FER1L6: variants seen among roughly 807,000 people sequenced by gnomAD.
FER1L6 encodes the protein fer-1-like protein 6.
FER1L6 carries 177 observed loss-of-function variants against 219.2 expected under a neutral mutation model. That is an observed-to-expected ratio of 0.81 (90% confidence interval 0.71 to 0.91). The LOEUF is 0.91. FER1L6 is among the 40% of genes least tolerant of loss of function. FER1L6 has a pLI of 0.00. For missense variants in FER1L6, 2,153 were observed against 2,259.9 expected (o/e 0.95, Z 0.96); for synonymous variants, 768 against 824.3 (o/e 0.93, Z 1.17).
At chr8:123,910,208 C>A (rs16899029) in intron 1 of FER1L6, among the ~76,000 whole-genome samples, 6 of 151,888 alleles carry the variant, frequency 4.0e-5, no homozygotes, top group Non-Finnish European at 8.8e-5. Flanking sequence ...TAGGGTATGC[C>A]GTCATGTGAA....
At chr8:123,864,997 C>T (rs573740784) in intron 1 of FER1L6, among the ~76,000 whole-genome samples, 1 of 151,410 alleles carries the variant, frequency 6.6e-6, no homozygotes, top group Non-Finnish European at 1.5e-5. Context: ...AATCATTCTC[C>T]ATCCAGCTTT....
In FER1L6 at chr8:123,892,335, T is replaced by C. The variant is rs536296875; in HGVS notation, c.-8+40150T>C. Among the ~76,000 whole-genome samples the C allele has an allele frequency of 1.1e-3, 173 of 152,252 alleles. 1 individual carries two copies. The highest frequency in any genetic ancestry group is 2.1e-3 in the Non-Finnish European group (142 of 68,002). On this transcript the variant is annotated intron_variant, in intron 1 of 40. Transcript: ENST00000522917. ...GAGATGGAGTCTCGCACTGTCGCCC[T>C]GGCTGGAGTGCAATGGCATGATCTT...
At chr8:124,058,611 C>T (rs1478613505) in intron 22 of FER1L6, among the ~76,000 whole-genome samples, 2 of 152,188 alleles carry the variant, frequency 1.3e-5, no homozygotes, top group Non-Finnish European at 2.9e-5. Flanking sequence ...ACTTCTTTGG[C>T]CATTTCCCAA....
chr8:124,093,116 G>C (rs1004027806), intron 34 of FER1L6, among the ~76,000 whole-genome samples: 2 of 151,956 alleles, frequency 1.3e-5, no homozygotes, highest in African/African-American at 4.8e-5. Flanking sequence ...GAGCCACCAC[G>C]CCTGGCAGTG....
intron 14 of FER1L6, among the ~76,000 whole-genome samples, chr8:124,011,743 C>G (rs1176133225): frequency 6.6e-6 from 1 of 152,052 alleles, no homozygotes; most frequent in Non-Finnish European, 1.5e-5. Flanking sequence ...GCCTCAGCCC[C>G]CAAATTGCTG....
chr8:124,072,825 G>A (rs1821133376), intron 31 of FER1L6, among the ~76,000 whole-genome samples: 1 of 152,156 alleles, frequency 6.6e-6, no homozygotes, highest in South Asian at 2.1e-4. Context: ...GGATGCTTTA[G>A]ACTAACCTTT....
chr8:123,970,135 G>A, intron 6 of FER1L6, 38 bp downstream of exon 6: 2 of 1,592,670 alleles, frequency 1.3e-6, no homozygotes, highest in East Asian at 2.2e-5. Flanking sequence ...GTGGAGAGGT[G>A]GGAGACATTT....
chr8:124,038,076 C>T (rs1819297651), intron 19 of FER1L6, among the ~76,000 whole-genome samples: 1 of 152,180 alleles, frequency 6.6e-6, no homozygotes, highest in African/African-American at 2.4e-5. Context: ...GTTCAGGCCT[C>T]CTAGGTCCTC....
intron 24 of FER1L6, among the ~76,000 whole-genome samples, chr8:124,061,542 G>T (rs1820574486): frequency 6.6e-6 from 1 of 152,158 alleles, no homozygotes; most frequent in African/African-American, 2.4e-5. Flanking sequence ...GCTGTCTTTG[G>T]AGATGAGAGT....
intron 1 of FER1L6, among the ~76,000 whole-genome samples, chr8:123,889,934 ACATT>A (rs895335099): frequency 6.6e-6 from 1 of 152,144 alleles, no homozygotes; most frequent in Non-Finnish European, 1.5e-5. Context: ...ATCCTTGTGC[ACATT>A]CAGAGAAAAC....
chr8:123,926,489 G>C (rs1450876207), intron 1 of FER1L6, among the ~76,000 whole-genome samples: 1 of 152,206 alleles, frequency 6.6e-6, no homozygotes, highest in African/African-American at 2.4e-5. Flanking sequence ...GGGAAGGCTA[G>C]AGCGGGCAGG....
At chr8:123,991,546 C>T (rs1447471196) in intron 12 of FER1L6, among the ~76,000 whole-genome samples, 1 of 152,054 alleles carries the variant, frequency 6.6e-6, no homozygotes, top group Non-Finnish European at 1.5e-5. Context: ...GATGTGTGTA[C>T]ATTGATTTGT....
At position 124,101,255 on chromosome 8, in the gene FER1L6, T is replaced by TAG. The variant is rs752718094; in HGVS notation, c.5046_5047dup (p.Lys1683ArgfsTer32). ...ACCAAGAGGGAGAACATCTTCTCTT[T>TAG]AGAGAAGATGGAGTGTAAGACTCCT... On this transcript the variant is annotated frameshift_variant, in exon 38 of 41. Transcript: ENST00000522917. LOFTEE classifies it high-confidence loss of function. 10 of 1,612,222 alleles carry TAG rather than the reference T, an allele frequency of 6.2e-6. No homozygotes were observed. The East Asian group carries it at 2.2e-4, about 36-fold the overall frequency.
chr8:124,010,831 A>G (rs1219216008), intron 14 of FER1L6, 117 bp downstream of exon 14: 67 of 1,397,964 alleles, frequency 4.8e-5, no homozygotes, highest in Non-Finnish European at 6.3e-5. Context: ...TAAATTGAGG[A>G]TGCTGCATTT....
At chr8:123,897,567 A>G (rs1563677113) in intron 1 of FER1L6, among the ~76,000 whole-genome samples, 1 of 152,212 alleles carries the variant, frequency 6.6e-6, no homozygotes, top group Non-Finnish European at 1.5e-5. Context: ...ACGTACAGAA[A>G]TATATGTAAG....
chr8:123,966,295 G>A lies in FER1L6; in HGVS notation c.384+5G>A. 6.2e-7 allele frequency: 1 copy of A among 1,614,028 alleles called. No individual in the cohort carries two copies. The highest frequency in any genetic ancestry group is 8.5e-7 in the Non-Finnish European group (1 of 1,179,950). ...AACAGCCCATTTTATAATGAAGTAA[G>A]TCATGGAGGTCACCCACAGCTTTTG... On this transcript the variant is annotated splice_donor_5th_base_variant and intron_variant, in intron 5 of 40. Coordinates refer to ENST00000522917, the MANE Select transcript of FER1L6 (RefSeq NM_001039112.2).
intron 1 of FER1L6, among the ~76,000 whole-genome samples, chr8:123,906,912 G>A (rs1053516570): frequency 1.3e-5 from 2 of 151,836 alleles, no homozygotes; most frequent in Admixed American, 1.3e-4. Context: ...TTGGATATTC[G>A]TTCTTCCCTT....
intron 37 of FER1L6, among the ~76,000 whole-genome samples, chr8:124,099,639 A>G (rs572009606): frequency 1.3e-5 from 2 of 152,134 alleles, no homozygotes; most frequent in Non-Finnish European, 2.9e-5. Context: ...TTTGCTCTCT[A>G]TGTTTAAACA....
At chr8:124,007,827 T>C (rs1027114520) in intron 13 of FER1L6, among the ~76,000 whole-genome samples, 2 of 152,226 alleles carry the variant, frequency 1.3e-5, no homozygotes, top group African/African-American at 2.4e-5. Context: ...AGCCATGAAA[T>C]GCCAAAGTTT....
Sources: allele counts gnomAD v4.1 joint callset (sites outside exome capture counted in the v4.1 genomes callset), GRCh38; gene constraint gnomAD v4.1.1; transcripts MANE v1.5; gene names NCBI Gene and HGNC (gene_info 2026-07-23, HGNC 2026-07-21).